The following PRICKLE2 variants were observed in gnomAD, a reference collection of about 807,000 sequenced individuals.
The protein encoded by PRICKLE2 is prickle planar cell polarity protein 2.
Under a neutral mutation model 81.4 loss-of-function variants are expected in PRICKLE2, and 21 were observed. That is an observed-to-expected ratio of 0.26 (90% CI 0.18 to 0.37). The LOEUF is 0.37. Ranked by LOEUF, PRICKLE2 falls within the 10% of genes least tolerant of loss-of-function variation. The pLI is 1.00. For missense variants in PRICKLE2, 940 were observed against 1,109.0 expected, an observed-to-expected ratio of 0.85 and a Z score of 2.16; for synonymous variants, 456 against 421.5, an observed-to-expected ratio of 1.08 and a Z score of -1.00.
intron 2 of PRICKLE2, among the ~76,000 whole-genome samples, chr3:64,167,016 T>G (rs1222314529): frequency 6.6e-6 from 1 of 152,180 alleles, no homozygotes; most frequent in Admixed American, 6.5e-5. Flanking sequence ...GCCTGCATTT[T>G]CCTCTGGCAT....
intron 7 of PRICKLE2, among the ~76,000 whole-genome samples, chr3:64,119,604 T>C (rs1452973798): frequency 6.6e-6 from 1 of 152,180 alleles, no homozygotes; most frequent in Non-Finnish European, 1.5e-5. Context: ...TATGTACGAT[T>C]GGTGCAAATG....
chr3:64,163,285 G>T, intron 2 of PRICKLE2, 156 bp from the exon 3 acceptor site: 1 of 684,716 alleles, frequency 1.5e-6, no homozygotes. Context: ...CCTATGGTAA[G>T]CAGAGAAATT....
In PRICKLE2 at chr3:64,198,866, T is replaced by C; in HGVS notation, c.62A>G (p.Gln21Arg). 1.2e-6 allele frequency: 2 copies of C among 1,614,178 alleles called. No homozygotes were observed. Among genetic ancestry groups the C allele is most frequent in the Non-Finnish European group, 1.7e-6 (2 of 1,180,026 alleles). ...GTCATCATCTGAGGTCGAGTTCCTC[T>C]GAAAGTCAAACATGAGTTTGCTGAT... ...KTISKLMFDFQRNSTSDDDSG... is the reference protein window; with the variant it reads ...KTISKLMFDFRRNSTSDDDSG... Residue 21 changes from glutamine to arginine, a missense_variant, in exon 2 of 8, where the codon CAG (glutamine) becomes CGG (arginine). Around this residue, in one of 2 missense-constraint regions of PRICKLE2, gnomAD observed 270 missense variants for 391.8 expected, o/e 0.69. Transcript: ENST00000638394.
chr3:64,148,322 T>C (rs986530819), intron 6 of PRICKLE2, among the ~76,000 whole-genome samples: 1 of 152,242 alleles, frequency 6.6e-6, no homozygotes, highest in African/African-American at 2.4e-5. Context: ...CCTTACCTGC[T>C]GGAGTTTTCT....
intron 5 of PRICKLE2, chr3:64,154,626 G>A (rs562388539): frequency 2.0e-5 from 3 of 152,248 alleles, no homozygotes; most frequent in East Asian, 1.9e-4. Flanking sequence ...AAACACAGGT[G>A]TAAATCTTTA....
chr3:64,216,636 G>C (rs181456663), intron 1 of PRICKLE2, among the ~76,000 whole-genome samples: 208 of 152,312 alleles, frequency 1.4e-3, no homozygotes, highest in Non-Finnish European at 2.8e-4. Flanking sequence ...GGCAAACAAC[G>C]TGAGTGTTTA....
rs573123393 is a variant in PRICKLE2 at position 64,267,546 on chromosome 3, G to A, written c.129-68579C>T. Among the ~76,000 whole-genome samples, 9 of 152,216 alleles carry A rather than the reference G, an allele frequency of 5.9e-5. No individual in the cohort carries two copies. In the South Asian group the frequency reaches 1.5e-3, roughly 25 times the overall value. On this transcript the variant is annotated intron_variant, in intron 2 of 8. Transcript: ENST00000295902. ...GTAAATACCTTTTAAATATTTAGGG[G>A]AAAATGAATTCTAAGAGAATAAAGG...
At chr3:64,261,833 T>A (rs994844290) in intron 2 of PRICKLE2, among the ~76,000 whole-genome samples, 1 of 152,222 alleles carries the variant, frequency 6.6e-6, no homozygotes, top group South Asian at 2.1e-4. Flanking sequence ...GCAAAGTGTT[T>A]GGGTTTTGTC....
At chr3:64,206,955 A>G (rs1483672052) in intron 1 of PRICKLE2, among the ~76,000 whole-genome samples, 2 of 152,326 alleles carry the variant, frequency 1.3e-5, no homozygotes, top group Non-Finnish European at 2.9e-5. Flanking sequence ...GCTGGAGGGC[A>G]GTGGTGTGAT....
chr3:64,103,027 A>C (rs2076694063), intron 7 of PRICKLE2: 1 of 152,258 alleles, frequency 6.6e-6, no homozygotes, highest in South Asian at 2.1e-4. Context: ...TTAACAATGG[A>C]TCAATCTACG....
At chr3:64,114,110 GC>G (rs1160744868) in intron 7 of PRICKLE2, among the ~76,000 whole-genome samples, 5 of 151,640 alleles carry the variant, frequency 3.3e-5, no homozygotes, top group Non-Finnish European at 7.4e-5. Context: ...CTGGGTGTTG[GC>G]CCCCTAAAAT....
chr3:64,153,082 T>A, intron 6 of PRICKLE2, 100 bp downstream of exon 6: 1 of 1,114,760 alleles, frequency 9.0e-7, no homozygotes, highest in Non-Finnish European at 1.4e-6. Flanking sequence ...TAGCATGAGT[T>A]GGGTTTCTAA....
At chr3:64,256,351 G>T (rs1490648876) in intron 2 of PRICKLE2, among the ~76,000 whole-genome samples, 1 of 152,072 alleles carries the variant, frequency 6.6e-6, no homozygotes, top group South Asian at 2.1e-4. Flanking sequence ...CTGTATTTCG[G>T]AAAGGTTATA....
Position 64,211,201 on chromosome 3 carries a change from A to C in PRICKLE2, c.-40-12234T>G, listed in dbSNP as rs555938088. ...AACCAACAAGGTAGAGTTTCTACAG[A>C]AGCAGGAACCATGAGTCCAAAAGGC... On this transcript the variant is annotated intron_variant, in intron 1 of 7. Transcript: ENST00000638394. Among the ~76,000 whole-genome samples the C allele has an allele frequency of 3.3e-5, 5 of 152,190 alleles. No homozygotes were observed. In the South Asian group the frequency reaches 1.0e-3, roughly 31 times the overall value.
In PRICKLE2 at chr3:64,190,400, T is replaced by TC. The variant is rs202064737; in HGVS notation, c.144+8383_144+8384insG. On this transcript the variant is annotated intron_variant, in intron 2 of 7. Coordinates refer to ENST00000638394, the MANE Select transcript of PRICKLE2 (RefSeq NM_198859.4). ...CTATTCTTAACATCACTATGTTTTT[T>TC]TAAAAAAAATCACAACCTGAAATTA... The TC allele has an allele frequency of 9.9e-5, 7 of 70,706 alleles. No homozygotes were observed. The East Asian group carries it at 1.8e-3, about 18-fold the overall frequency. The allele number at this position is 70,706 out of a possible 1,614,324, so 4.4% of individuals were successfully genotyped here.
chr3:64,105,039 ACTC>A (rs1368265941), intron 7 of PRICKLE2, among the ~76,000 whole-genome samples: 1 of 151,146 alleles, frequency 6.6e-6, no homozygotes, highest in Non-Finnish European at 1.5e-5. Context: ...TCAACTAAAC[ACTC>A]CTCCTCGCTT....
chr3:64,266,333 G>T (rs1446621127), intron 2 of PRICKLE2, among the ~76,000 whole-genome samples: 1 of 152,168 alleles, frequency 6.6e-6, no homozygotes, highest in Non-Finnish European at 1.5e-5. Flanking sequence ...CCTCCAAACA[G>T]AAATAAAAGT....
chr3:64,190,246 A>G (rs143225949), intron 2 of PRICKLE2: 3 of 152,270 alleles, frequency 2.0e-5, no homozygotes, highest in Admixed American at 1.3e-4. Flanking sequence ...CTCCACATCA[A>G]TGATCTCTGA....
intron 2 of PRICKLE2, among the ~76,000 whole-genome samples, chr3:64,165,877 G>T (rs571200756): frequency 1.1e-4 from 17 of 151,962 alleles, no homozygotes; most frequent in Non-Finnish European, 7.4e-5. Flanking sequence ...ACTTATATTA[G>T]TCAAAGCAAG....
Sources: allele counts gnomAD v4.1 joint callset (sites outside exome capture counted in the v4.1 genomes callset), GRCh38; gene constraint gnomAD v4.1.1; regional missense constraint gnomAD v4.1.1; transcripts MANE v1.5; gene names NCBI Gene and HGNC (gene_info 2026-07-23, HGNC 2026-07-21).